TIE1: variants seen among roughly 807,000 people sequenced by gnomAD.
TIE1 encodes the protein tyrosine kinase with immunoglobulin like and EGF like domains 1.
A neutral mutation model predicts 130.5 loss-of-function variants in TIE1; 89 were observed. That is an observed-to-expected ratio of 0.68 (90% CI 0.57 to 0.81). TIE1 has a LOEUF of 0.81. TIE1 is among the 40% of genes least tolerant of loss of function. TIE1 has a pLI of 0.00. For missense variants in TIE1, 1,392 were observed against 1,559.8 expected (o/e 0.89, Z 1.81); for synonymous variants, 568 against 629.4 (o/e 0.90, Z 1.46).
chr1:43,321,383 T>A lies in TIE1; in HGVS notation c.3149-13T>A. ...GGAGCCCTGGACCGAGAGCACTTTGTCCCCTCCTGCAGGAGGTACACCCTA... is the reference window on the plus strand; with the variant it reads ...GGAGCCCTGGACCGAGAGCACTTTGACCCCTCCTGCAGGAGGTACACCCTA... On this transcript the variant is annotated splice_polypyrimidine_tract_variant and intron_variant, in intron 20 of 22. Transcript: ENST00000372476. 6.2e-7 allele frequency: 1 copy of A among 1,613,844 alleles called. No homozygotes were observed. Among genetic ancestry groups the A allele is most frequent in the Non-Finnish European group, 8.5e-7 (1 of 1,179,868 alleles).
At position 43,313,758 on chromosome 1, in the gene TIE1, G is replaced by GC. The variant is rs1486448047; in HGVS notation, c.2219-16dup. On this transcript the variant is annotated intron_variant, in intron 13 of 22. Coordinates refer to ENST00000372476, the MANE Select transcript of TIE1 (RefSeq NM_005424.5). The surrounding 1 kb of genome is among the most constrained non-coding windows in gnomAD (Gnocchi z 6.2). ...CCTGACCCAGGTGTCCCCACAATCTGCCCCTCTCACTGTGTCCAGGGCTGC... is the reference window on the plus strand; with the variant it reads ...CCTGACCCAGGTGTCCCCACAATCTGCCCCCTCTCACTGTGTCCAGGGCTGC... 1 of 1,598,758 alleles carries GC rather than the reference G, an allele frequency of 6.3e-7. No homozygotes were observed. Among genetic ancestry groups the GC allele is most frequent in the Non-Finnish European group, 8.5e-7 (1 of 1,171,232 alleles).
In TIE1 at chr1:43,319,320, G is replaced by A; in HGVS notation, c.3008G>A (p.Gly1003Glu). 2.5e-6 allele frequency: 4 copies of A among 1,614,110 alleles called. No homozygotes were observed. The highest frequency in any genetic ancestry group is 8.5e-7 in the Non-Finnish European group (1 of 1,180,002). The change falls in exon 18 of 23, where the codon GGA becomes GAA. Residue 1003 changes from glycine (G) to glutamate (E), a missense_variant. Physicochemically the swap from Gly to Glu is moderately conservative, Grantham distance 98. Coordinates refer to ENST00000372476, the MANE Select transcript of TIE1 (RefSeq NM_005424.5). The surrounding 1 kb of genome is among the most constrained non-coding windows in gnomAD (Gnocchi z 4.7). ...SKIADFGLSR[G>E]EEVYVKKTMG... Reference sequence around the variant, plus strand: ...ATTGCAGACTTCGGCCTTTCTCGGGGAGAGGAGGTTTATGTGAAGAAGACG... The same window carrying A: ...ATTGCAGACTTCGGCCTTTCTCGGGAAGAGGAGGTTTATGTGAAGAAGACG...
intron 1 of TIE1, among the ~76,000 whole-genome samples, chr1:43,303,785 G>A (rs1557439345): frequency 6.6e-6 from 1 of 152,042 alleles, no homozygotes; most frequent in African/African-American, 2.4e-5. Flanking sequence ...CCCTCTCCCT[G>A]CCCCTGATTT....
Position 43,318,154 on chromosome 1 carries a change from T to C in TIE1, c.2922+82T>C, listed in dbSNP as rs1646879797. ...AGTGGAAGAAGTCAGCCGGCCCTGATTGTATCTGGGGATTGAGGTTCCTGG... is the reference window on the plus strand; with the variant it reads ...AGTGGAAGAAGTCAGCCGGCCCTGACTGTATCTGGGGATTGAGGTTCCTGG... On this transcript the variant is annotated intron_variant, in intron 17 of 22. Transcript: ENST00000372476. The surrounding 1 kb of genome is among the most constrained non-coding windows in gnomAD (Gnocchi z 4.4). 6 of 1,473,538 alleles carry C rather than the reference T, an allele frequency of 4.1e-6. No individual in the cohort carries two copies. The highest frequency in any genetic ancestry group is 1.4e-5 in the African/African-American group (1 of 70,452). 91.3% of individuals were successfully genotyped at this position (1,473,538 alleles called of 1,614,324 possible).
At position 43,311,783 on chromosome 1, in the gene TIE1, G is replaced by A. The variant is rs564379349; in HGVS notation, c.1446G>A (p.Leu482=). Residue 482 remains leucine, a synonymous_variant, in exon 10 of 23, where the codon CTG becomes CTA. Transcript: ENST00000372476. ...SGDGPISTVR[L]HYRPQDSTMD... ...ATGGACCCATCTCCACTGTCCGCCT[G>A]CACTACCGGCCCCAGGACAGTACCA... 3 of 1,614,108 alleles carry A rather than the reference G, an allele frequency of 1.9e-6. No individual in the cohort carries two copies. The South Asian group carries it at 3.3e-5, about 18-fold the overall frequency.
chr1:43,321,168 T>C, intron 19 of TIE1, 101 bp from the exon 20 acceptor site: 2 of 1,232,156 alleles, frequency 1.6e-6, no homozygotes, highest in Non-Finnish European at 2.4e-6. Flanking sequence ...AGTAGACACA[T>C]ACAGCGGGGC....
Position 43,313,596 on chromosome 1 carries a change from C to T in TIE1, c.2218+171C>T, listed in dbSNP as rs1646827489. The stretch of plus-strand genomic sequence containing the variant: ...CTTCCATTCTCATGATCCACTGTCC[C>T]AGGGCTGGGAAAATCATGTCGCCCC... On this transcript the variant is annotated intron_variant, in intron 13 of 22. Transcript: ENST00000372476. This position sits in a 1 kb window ranked among gnomAD's most constrained non-coding sequence, Gnocchi z 6.2. 9.2e-7 allele frequency: 1 copy of T among 1,085,506 alleles called. No individual in the cohort carries two copies. The highest frequency in any genetic ancestry group is 1.6e-5 in the South Asian group (1 of 61,690). The allele number at this position is 1,085,506 out of a possible 1,614,324, so 67.2% of individuals were successfully genotyped here. A position where few individuals can be genotyped will look rare whatever the true frequency, so the allele number is the denominator to read the frequency against.
chr1:43,313,928 G>C lies in TIE1; in HGVS notation c.2369G>C (p.Cys790Ser), dbSNP rs1173273313. The C allele has an allele frequency of 6.2e-7, 1 of 1,614,140 alleles. No individual in the cohort carries two copies. The highest frequency in any genetic ancestry group is 8.5e-7 in the Non-Finnish European group (1 of 1,180,030). The change falls in exon 14 of 23, where the codon TGC becomes TCC. Residue 790 changes from cysteine to serine, a missense_variant. Physicochemically the swap from Cys to Ser is moderately radical, Grantham distance 112. Around this residue, in one of 6 missense-constraint regions of TIE1, gnomAD observed 286 missense variants for 354.4 expected, o/e 0.81. Transcript: ENST00000372476. The surrounding 1 kb of genome is among the most constrained non-coding windows in gnomAD (Gnocchi z 6.2). ...ACCCTGGTGTGCATCCGCAGAAGCT[G>C]CCTGCATCGGAGACGCACCTTCACC... ...LLTLVCIRRS[C>S]LHRRRTFTYQ...
At position 43,313,223 on chromosome 1, in the gene TIE1, G is replaced by T; in HGVS notation, c.2016G>T (p.Gly672=). 6.2e-7 allele frequency: 1 copy of T among 1,613,976 alleles called. No individual in the cohort carries two copies. Among genetic ancestry groups the T allele is most frequent in the Non-Finnish European group, 8.5e-7 (1 of 1,179,912 alleles). Residue 672 remains glycine (G), a synonymous_variant, in exon 13 of 23, where the codon GGG becomes GGT. Transcript: ENST00000372476. This position sits in a 1 kb window ranked among gnomAD's most constrained non-coding sequence, Gnocchi z 6.2. Reference sequence around the variant, plus strand: ...GGAAGCACCCGGAGGCTCTGCCTGGGCCAATATCCAAGTACGTTGTGGAGG... The same window carrying T: ...GGAAGCACCCGGAGGCTCTGCCTGGTCCAATATCCAAGTACGTTGTGGAGG... The part of the protein sequence containing the change: ...LTWKHPEALP[G]PISKYVVEVQ...
At chr1:43,320,454 C>G (rs1055587301) in intron 19 of TIE1, 1 of 152,250 alleles carries the variant, frequency 6.6e-6, no homozygotes, top group African/African-American at 2.4e-5. Flanking sequence ...TGTGGTGGCC[C>G]ACATGTGTAA....
Position 43,313,492 on chromosome 1 carries a change from C to T in TIE1, c.2218+67C>T. The T allele has an allele frequency of 6.4e-7, 1 of 1,571,504 alleles. No homozygotes were observed. The highest frequency in any genetic ancestry group is 8.7e-7 in the Non-Finnish European group (1 of 1,152,002). On this transcript the variant is annotated intron_variant, in intron 13 of 22. Transcript: ENST00000372476. The surrounding 1 kb of genome is among the most constrained non-coding windows in gnomAD (Gnocchi z 6.2). ...GGGAGAGCTCAGCACGCTCTCCTTCCACATCACCCCCTACTGTGGAGCTAG... is the reference window on the plus strand; with the variant it reads ...GGGAGAGCTCAGCACGCTCTCCTTCTACATCACCCCCTACTGTGGAGCTAG...
chr1:43,305,251 A>G lies in TIE1; in HGVS notation c.392A>G (p.Lys131Arg), dbSNP rs1646716306. Reference sequence around the variant, plus strand: ...CCCGCAGCCCACCTGCTTCCAGACAAGGTCACACACACTGTGAACAAAGGT... The same window carrying G: ...CCCGCAGCCCACCTGCTTCCAGACAGGGTCACACACACTGTGAACAAAGGT... Reference protein sequence around the residue: ...NSPGAHLLPDKVTHTVNKGDT... With the variant: ...NSPGAHLLPDRVTHTVNKGDT... Residue 131 changes from lysine to arginine, a missense_variant, in exon 3 of 23, where the codon AAG becomes AGG. Physicochemically the swap from Lys to Arg is conservative, Grantham distance 26 (BLOSUM62 2). Around this residue, in one of 6 missense-constraint regions of TIE1, gnomAD observed 415 missense variants for 424.8 expected, o/e 0.98. Transcript: ENST00000372476. 3 of 1,613,998 alleles carry G rather than the reference A, an allele frequency of 1.9e-6. No individual in the cohort carries two copies. The highest frequency in any genetic ancestry group is 1.1e-5 in the South Asian group (1 of 91,062).
At position 43,312,549 on chromosome 1, in the gene TIE1, C is replaced by T; in HGVS notation, c.1875C>T (p.Cys625=). The change falls in exon 12 of 23, where the codon TGC becomes TGT. Residue 625 remains cysteine (C), a synonymous_variant. Transcript: ENST00000372476. This position sits in a 1 kb window ranked among gnomAD's most constrained non-coding sequence, Gnocchi z 5.6. The part of the protein sequence containing the change: ...HYQLDVQLYH[C]TLLGPASPPA... Reference sequence around the variant, plus strand: ...AGCTGGATGTGCAGCTCTACCACTGCACCCTCCTGGGCCCGGCCTCGCCCC... The same window carrying T: ...AGCTGGATGTGCAGCTCTACCACTGTACCCTCCTGGGCCCGGCCTCGCCCC... 6.2e-7 allele frequency: 1 copy of T among 1,613,442 alleles called. No homozygotes were observed. The highest frequency in any genetic ancestry group is 2.2e-5 in the East Asian group (1 of 44,884).
chr1:43,321,302 G>C lies in TIE1; in HGVS notation c.3141G>C (p.Val1047=). Residue 1047 remains valine (V), a synonymous_variant, in exon 20 of 23, where the codon GTG becomes GTC. Transcript: ENST00000372476. ...WSFGVLLWEI[V]SLGGTPYCGM... ...TTGGAGTCCTTCTTTGGGAGATAGT[G>C]AGCCTTGGTGAGTTCCTGATCCCCG... 3 of 1,614,072 alleles carry C rather than the reference G, an allele frequency of 1.9e-6. No individual in the cohort carries two copies. The highest frequency in any genetic ancestry group is 2.5e-6 in the Non-Finnish European group (3 of 1,180,006).
rs892996814 is a variant in TIE1, at chr1:43,313,705, G to T, written c.2219-73G>T. ...ACTGGGATCTTTCACCTCTCCCTCT[G>T]TGTAACCCCATGGTGGCCTCTGGGT... On this transcript the variant is annotated intron_variant, in intron 13 of 22. Transcript: ENST00000372476. The surrounding 1 kb of genome is among the most constrained non-coding windows in gnomAD (Gnocchi z 6.2). 2.7e-6 allele frequency: 4 copies of T among 1,475,528 alleles called. No individual in the cohort carries two copies. The highest frequency in any genetic ancestry group is 3.7e-6 in the Non-Finnish European group (4 of 1,095,612). 91.4% of individuals were successfully genotyped at this position (1,475,528 alleles called of 1,614,324 possible). A position where few individuals can be genotyped will look rare whatever the true frequency, so the allele number is the denominator to read the frequency against.
intron 9 of TIE1, among the ~76,000 whole-genome samples, chr1:43,310,506 T>C (rs1266000176): frequency 6.6e-6 from 1 of 152,194 alleles, no homozygotes; most frequent in Non-Finnish European, 1.5e-5. Context: ...TCAATGTATG[T>C]CGATAATTAT....
rs1646706517 is a variant in TIE1, at chr1:43,304,742, C to T, written c.59-109C>T. ...GGAAGAGGGGTGAAGGTTGGAGACC[C>T]TCTTCTGAGTGGACGGTGGATCAGT... On this transcript the variant is annotated intron_variant, in intron 1 of 22. Coordinates refer to ENST00000372476, the MANE Select transcript of TIE1 (RefSeq NM_005424.5). The T allele has an allele frequency of 2.5e-6, 3 of 1,204,440 alleles. No individual in the cohort carries two copies. In the South Asian group the frequency reaches 7.4e-5, roughly 30 times the overall value. 74.6% of individuals were successfully genotyped at this position (1,204,440 alleles called of 1,614,324 possible).
intron 1 of TIE1, among the ~76,000 whole-genome samples, chr1:43,301,349 C>T (rs967599464): frequency 5.9e-5 from 9 of 151,914 alleles, no homozygotes; most frequent in East Asian, 1.9e-4. Context: ...GGGCCGGGTG[C>T]GGTGGTTCAT....
In TIE1 at chr1:43,313,566, T is replaced by G. The variant is rs1646827148; in HGVS notation, c.2218+141T>G. 3.4e-6 allele frequency: 4 copies of G among 1,178,546 alleles called. No homozygotes were observed. Among genetic ancestry groups the G allele is most frequent in the Non-Finnish European group, 4.7e-6 (4 of 850,336 alleles). The allele number at this position is 1,178,546 out of a possible 1,614,324, so 73.0% of individuals were successfully genotyped here. A position where few individuals can be genotyped will look rare whatever the true frequency, so the allele number is the denominator to read the frequency against. The stretch of plus-strand genomic sequence containing the variant: ...AAGAGTCAGCCCCAGTCCTGGGGAC[T>G]CAGCCTTCCATTCTCATGATCCACT... On this transcript the variant is annotated intron_variant, in intron 13 of 22. Transcript: ENST00000372476. This position sits in a 1 kb window ranked among gnomAD's most constrained non-coding sequence, Gnocchi z 6.2.
Sources: gnomAD v4.1 joint callset for allele counts (sites outside exome capture counted in the v4.1 genomes callset) on GRCh38, gnomAD v4.1.1 for gene constraint, gnomAD v4.1.1 regional missense constraint, Gnocchi (gnomAD v3.1) non-coding constraint, MANE v1.5 for transcripts, NCBI Gene and HGNC (gene_info 2026-07-23, HGNC 2026-07-21) for gene names.